U2SURP: variants seen among roughly 807,000 people sequenced by gnomAD.
U2SURP encodes U2 snRNP-associated SURP motif-containing protein.
In U2SURP, 9 loss-of-function variants were observed where a neutral mutation model predicts 144.9. That is an observed-to-expected ratio of 0.06 (90% CI 0.04 to 0.11). U2SURP has a LOEUF of 0.11. Ranked by LOEUF, U2SURP falls within the 10% of genes least tolerant of loss-of-function variation. The pLI is 1.00. For missense variants in U2SURP, 724 were observed against 1,226.7 expected (o/e 0.59, Z 6.12); for synonymous variants, 408 against 396.8 (o/e 1.03, Z -0.33).
In U2SURP at chr3:143,016,458, A is replaced by G. The variant is rs1004940894; in HGVS notation, c.436+87A>G. On this transcript the variant is annotated intron_variant, in intron 5 of 27. Transcript: ENST00000473835. ...CCATCTTGGTTGAATGACTGCAGGTAGATAATTATGAAAGGAAGTTTGGTT... is the reference window on the plus strand; with the variant it reads ...CCATCTTGGTTGAATGACTGCAGGTGGATAATTATGAAAGGAAGTTTGGTT... 2.6e-6 allele frequency: 3 copies of G among 1,156,682 alleles called. No individual in the cohort carries two copies. The African/African-American group carries it at 4.7e-5, about 18-fold the overall frequency. 71.7% of individuals were successfully genotyped at this position (1,156,682 alleles called of 1,614,324 possible). A position where few individuals can be genotyped will look rare whatever the true frequency, so the allele number is the denominator to read the frequency against.
At chr3:143,015,616 G>A (rs1239505941) in intron 4 of U2SURP, among the ~76,000 whole-genome samples, 1 of 151,872 alleles carries the variant, frequency 6.6e-6, no homozygotes, top group Non-Finnish European at 1.5e-5. Context: ...ATCATTTATT[G>A]AAAAGTTTGT....
intron 25 of U2SURP, among the ~76,000 whole-genome samples, chr3:143,052,655 G>A (rs1274418173): frequency 1.3e-5 from 2 of 152,184 alleles, no homozygotes; most frequent in African/African-American, 4.8e-5. Context: ...GAGTAGTTGT[G>A]GCAGAGACTG....
At position 143,051,063 on chromosome 3, in the gene U2SURP, A is replaced by T; in HGVS notation, c.2655+14A>T. ...CTTCTTCAACGAGTAAGGAATAAGT[A>T]TACCCAATAATACACATATTTTGAA... On this transcript the variant is annotated intron_variant, in intron 25 of 27. Transcript: ENST00000473835. 1 of 1,426,430 alleles carries T rather than the reference A, an allele frequency of 7.0e-7. No individual in the cohort carries two copies. The highest frequency in any genetic ancestry group is 9.7e-7 in the Non-Finnish European group (1 of 1,026,676). 88.4% of individuals were successfully genotyped at this position (1,426,430 alleles called of 1,614,324 possible).
chr3:143,047,606 C>G (rs1462307658), intron 24 of U2SURP, among the ~76,000 whole-genome samples: 2 of 37,884 alleles, frequency 5.3e-5, no homozygotes, highest in African/African-American at 2.8e-4. Flanking sequence ...CCGGACGGGG[C>G]GGCTGGCCGG....
chr3:143,010,709 G>A, intron 1 of U2SURP, 106 bp from the exon 2 acceptor site: 1 of 710,580 alleles, frequency 1.4e-6, no homozygotes, highest in Non-Finnish European at 2.2e-6. Flanking sequence ...TAGCTGAGGA[G>A]AAATTGCCAG....
intron 18 of U2SURP, 95 bp downstream of exon 18, chr3:143,033,445 TAAG>T (rs1933618481): frequency 5.9e-6 from 4 of 676,020 alleles, no homozygotes; most frequent in Non-Finnish European, 9.9e-6. Flanking sequence ...CCTGCAAGAA[TAAG>T]AAGTACAGTC....
intron 25 of U2SURP, among the ~76,000 whole-genome samples, chr3:143,053,016 T>G (rs1445814554): frequency 6.6e-6 from 1 of 151,284 alleles, no homozygotes; most frequent in African/African-American, 2.4e-5. Flanking sequence ...ATTTAAAATT[T>G]GCAGTGTAAT....
chr3:143,053,443 G>A (rs1578177556), intron 25 of U2SURP, among the ~76,000 whole-genome samples: 1 of 151,944 alleles, frequency 6.6e-6, no homozygotes, highest in African/African-American at 2.4e-5. Context: ...TTTGGCCTGT[G>A]GTAAGCACTC....
chr3:143,005,264 G>T (rs546871601), intron 1 of U2SURP, among the ~76,000 whole-genome samples: 1 of 150,838 alleles, frequency 6.6e-6, no homozygotes, highest in South Asian at 2.1e-4. Context: ...TGTTTTGATT[G>T]ACTGCCTTTG....
Position 143,012,219 on chromosome 3 carries a change from A to C in U2SURP, c.91-3A>C. ...TTTTTCTCTTGTTTTACTTTTCCTGAAGATGGATGCATCTGGACCCTCAGA... is the reference window on the plus strand; with the variant it reads ...TTTTTCTCTTGTTTTACTTTTCCTGCAGATGGATGCATCTGGACCCTCAGA... On this transcript the variant is annotated splice_region_variant and splice_polypyrimidine_tract_variant and intron_variant, in intron 2 of 27. Transcript: ENST00000473835. The C allele has an allele frequency of 1.9e-6, 3 of 1,606,784 alleles. No individual in the cohort carries two copies. The highest frequency in any genetic ancestry group is 2.5e-6 in the Non-Finnish European group (3 of 1,177,556).
intron 20 of U2SURP, among the ~76,000 whole-genome samples, chr3:143,036,338 G>T (rs1316063289): frequency 1.3e-5 from 2 of 151,536 alleles, no homozygotes; most frequent in Non-Finnish European, 2.9e-5. Context: ...TTTATTTAAT[G>T]ATATAAGAGT....
intron 22 of U2SURP, among the ~76,000 whole-genome samples, 199 bp downstream of exon 22, chr3:143,038,402 A>G (rs951994106): frequency 2.0e-5 from 3 of 151,910 alleles, no homozygotes; most frequent in African/African-American, 7.2e-5. Context: ...TTCAGTTTGG[A>G]AGCTTTGAGA....
At position 143,058,919 on chromosome 3, in the gene U2SURP, TC is replaced by T; in HGVS notation, c.*2470del. 6.6e-6 allele frequency: 1 copy of T among 151,914 alleles called. No individual in the cohort carries two copies. Among genetic ancestry groups the T allele is most frequent in the Non-Finnish European group, 1.5e-5 (1 of 67,810 alleles). The allele number at this position is 151,914 out of a possible 1,614,324, so 9.4% of individuals were successfully genotyped here. On this transcript the variant is annotated 3_prime_UTR_variant, in exon 28 of 28. Coordinates refer to ENST00000473835, the MANE Select transcript of U2SURP (RefSeq NM_001080415.2). Reference sequence around the variant, plus strand: ...ACGTGCCAGAGTTGTTTTCCACAGTTCTTATAAAGGGCATGACTTAGGCTCT... The same window carrying T: ...ACGTGCCAGAGTTGTTTTCCACAGTTTTATAAAGGGCATGACTTAGGCTCT...
At position 143,033,360 on chromosome 3, in the gene U2SURP, A is replaced by C. The variant is rs1441573555; in HGVS notation, c.1853+10A>C. 2 of 1,352,498 alleles carry C rather than the reference A, an allele frequency of 1.5e-6. No homozygotes were observed. Among genetic ancestry groups the C allele is most frequent in the South Asian group, 1.3e-5 (1 of 79,010 alleles). 83.8% of individuals were successfully genotyped at this position (1,352,498 alleles called of 1,614,324 possible). On this transcript the variant is annotated intron_variant, in intron 18 of 27. Transcript: ENST00000473835. ...CATATTATAGAAAATTGTAAGTATA[A>C]TGATATAACTGATATTCCTGAAATA...
chr3:143,027,104 G>A, intron 13 of U2SURP, 45 bp from the exon 14 acceptor site: 1 of 1,400,510 alleles, frequency 7.1e-7, no homozygotes, highest in South Asian at 1.2e-5. Context: ...GTTTTATATA[G>A]TGGTAGGTCT....
At chr3:143,053,197 T>C (rs924246605) in intron 25 of U2SURP, among the ~76,000 whole-genome samples, 2 of 152,174 alleles carry the variant, frequency 1.3e-5, no homozygotes, top group African/African-American at 4.8e-5. Context: ...GAAAGGGCAG[T>C]ACATTGTTAG....
At chr3:143,030,591 T>C (rs538022567) in intron 16 of U2SURP, among the ~76,000 whole-genome samples, 1 of 152,334 alleles carries the variant, frequency 6.6e-6, no homozygotes, top group African/African-American at 2.4e-5. Context: ...CATTATCCAT[T>C]CTCTATCCCA....
chr3:143,049,585 T>C (rs1386869616), intron 24 of U2SURP, among the ~76,000 whole-genome samples: 3 of 152,208 alleles, frequency 2.0e-5, no homozygotes, highest in Non-Finnish European at 2.9e-5. Context: ...ACTTGGAGGA[T>C]CTTCCAGGTC....
At chr3:143,044,711 T>A (rs539617953) in intron 24 of U2SURP, among the ~76,000 whole-genome samples, 2 of 152,334 alleles carry the variant, frequency 1.3e-5, no homozygotes, top group South Asian at 4.1e-4. Context: ...GAATGCCTAC[T>A]GTATGTCAGT....
Sources: allele counts gnomAD v4.1 joint callset (sites outside exome capture counted in the v4.1 genomes callset), GRCh38; gene constraint gnomAD v4.1.1; transcripts MANE v1.5; gene names NCBI Gene and HGNC (gene_info 2026-07-23, HGNC 2026-07-21).